Variants in PCDH15 observed in about 807,000 individuals in gnomAD.
The protein encoded by PCDH15 is protocadherin-15.
A neutral mutation model predicts 178.5 loss-of-function variants in PCDH15; 129 were observed. That is an observed-to-expected ratio of 0.72 (90% confidence interval 0.63 to 0.84). The LOEUF (loss-of-function observed/expected upper bound fraction) is 0.84, where lower values mean the gene tolerates loss of function less well. PCDH15 is among the 40% of genes least tolerant of loss of function. The pLI, the probability that PCDH15 is intolerant of heterozygous loss-of-function variation, is 0.00. For missense variants in PCDH15, 2,230 were observed against 2,099.9 expected (o/e 1.06, Z -1.21); for synonymous variants, 800 against 732.0 (o/e 1.09, Z -1.50).
intron 3 of PCDH15, among the ~76,000 whole-genome samples, chr10:54,401,300 A>G (rs1369926941): frequency 6.6e-5 from 10 of 151,894 alleles, no homozygotes; most frequent in African/African-American, 1.2e-4. Context: ...GAAAAACTGT[A>G]TATGACTTTT....
intron 2 of PCDH15, among the ~76,000 whole-genome samples, chr10:54,912,128 C>T (rs1396187894): frequency 6.6e-6 from 1 of 152,014 alleles, no homozygotes; most frequent in Admixed American, 6.6e-5. Flanking sequence ...TGTCATAATA[C>T]AGTGAGTACC....
chr10:54,095,289 T>C (rs959240829), intron 15 of PCDH15, among the ~76,000 whole-genome samples: 1 of 152,088 alleles, frequency 6.6e-6, no homozygotes, highest in Non-Finnish European at 1.5e-5. Flanking sequence ...AATGTTATAA[T>C]ATTTAAATAA....
intron 2 of PCDH15, among the ~76,000 whole-genome samples, chr10:55,529,544 G>C (rs997913540): frequency 7.3e-5 from 11 of 151,374 alleles, no homozygotes; most frequent in African/African-American, 2.7e-4. Flanking sequence ...TTAAATTACA[G>C]TTTATTTACA....
At chr10:53,855,391 A>G (rs1336862149) in intron 28 of PCDH15, among the ~76,000 whole-genome samples, 1 of 152,084 alleles carries the variant, frequency 6.6e-6, no homozygotes, top group Non-Finnish European at 1.5e-5. Flanking sequence ...TATTATTTTG[A>G]AAAGGCTCAG....
At chr10:54,226,180 G>A (rs1029981819) in intron 9 of PCDH15, among the ~76,000 whole-genome samples, 11 of 152,308 alleles carry the variant, frequency 7.2e-5, no homozygotes, top group African/African-American at 1.7e-4. Flanking sequence ...ACAGTTCCAC[G>A]TGGCTGGAGC....
chr10:54,373,135 A>T (rs1947921184), intron 4 of PCDH15, among the ~76,000 whole-genome samples: 1 of 151,964 alleles, frequency 6.6e-6, no homozygotes, highest in South Asian at 2.1e-4. Flanking sequence ...TTATAGCACA[A>T]ATCTTCAATC....
chr10:55,419,726 A>ATTTCTTTCATATACCC (rs1361928811), intron 2 of PCDH15, among the ~76,000 whole-genome samples: 1 of 151,748 alleles, frequency 6.6e-6, no homozygotes, highest in African/African-American at 2.4e-5. Context: ...GCACATACCC[A>ATTTCTTTCATATACCC]TTTCTTTCAT....
chr10:53,965,730 A>AT (rs2088942781), intron 21 of PCDH15, among the ~76,000 whole-genome samples: 2 of 152,182 alleles, frequency 1.3e-5, no homozygotes, highest in Non-Finnish European at 2.9e-5. Flanking sequence ...TCAAGAACAA[A>AT]TTTTTAGAGT....
intron 18 of PCDH15, among the ~76,000 whole-genome samples, chr10:54,040,124 A>G: frequency 6.6e-6 from 1 of 152,092 alleles, no homozygotes; most frequent in Non-Finnish European, 1.5e-5. Flanking sequence ...TTAAAAAGTC[A>G]TAATTAGTTC....
chr10:55,515,304 G>A (rs1840987125), intron 2 of PCDH15, among the ~76,000 whole-genome samples: 1 of 151,888 alleles, frequency 6.6e-6, no homozygotes, highest in African/African-American at 2.4e-5. Context: ...AGTCCCAACA[G>A]CACCTGAGAA....
chr10:54,405,170 A>T (rs539476107), intron 3 of PCDH15, among the ~76,000 whole-genome samples: 1 of 152,226 alleles, frequency 6.6e-6, no homozygotes, highest in South Asian at 2.1e-4. Flanking sequence ...CTGAGGGAAT[A>T]AAAATTGCTC....
rs1274130710 is a variant in PCDH15, at chr10:54,579,367, A to G, written c.92-51490T>C. ...TTGTGTTAGATAAGACAGAATTTAA[A>G]CCAATAATAATAAAAAAGGATAAAG... On this transcript the variant is annotated intron_variant, in intron 2 of 37. Coordinates refer to ENST00000644397, the MANE Select transcript of PCDH15 (RefSeq NM_001384140.1). Among the ~76,000 whole-genome samples the G allele has an allele frequency of 2.6e-5, 4 of 152,116 alleles. No homozygotes were observed. The South Asian group carries it at 8.3e-4, about 31-fold the overall frequency.
intron 2 of PCDH15, among the ~76,000 whole-genome samples, chr10:55,381,051 G>C (rs1837522353): frequency 6.6e-6 from 1 of 152,172 alleles, no homozygotes; most frequent in Non-Finnish European, 1.5e-5. Flanking sequence ...AATAAATGTT[G>C]AGAGGCTGAG....
At chr10:55,038,035 G>A (rs955684691) in intron 2 of PCDH15, among the ~76,000 whole-genome samples, 1 of 152,032 alleles carries the variant, frequency 6.6e-6, no homozygotes, top group Non-Finnish European at 1.5e-5. Context: ...AAATGATCTA[G>A]ATAAAATATA....
intron 3 of PCDH15, among the ~76,000 whole-genome samples, chr10:54,490,514 T>C (rs1334492259): frequency 2.0e-5 from 3 of 151,618 alleles, no homozygotes; most frequent in Non-Finnish European, 2.9e-5. Flanking sequence ...AAATAAATAA[T>C]TTTTTAATAA....
In PCDH15 at chr10:54,223,033, C is replaced by T. The variant is rs530789969; in HGVS notation, c.986-8985G>A. ...TTACATTTAAGAAATTGTTGCCAGC[C>T]GGGCACAGTGGCTCACGCCTGTTAT... On this transcript the variant is annotated intron_variant, in intron 9 of 37. Transcript: ENST00000644397. Among the ~76,000 whole-genome samples, 46 of 152,108 alleles carry T rather than the reference C, an allele frequency of 3.0e-4. No individual in the cohort carries two copies. The South Asian group carries it at 8.1e-3, about 27-fold the overall frequency.
At chr10:54,944,587 G>A (rs1363199210) in intron 2 of PCDH15, among the ~76,000 whole-genome samples, 23 of 152,032 alleles carry the variant, frequency 1.5e-4, no homozygotes, top group African/African-American at 5.5e-4. Flanking sequence ...TACAGACGCT[G>A]TTGACTAAAG....
chr10:55,406,940 CT>C (rs940362561), intron 2 of PCDH15, among the ~76,000 whole-genome samples: 1 of 151,834 alleles, frequency 6.6e-6, no homozygotes, highest in African/African-American at 2.4e-5. Context: ...GAAAGTAATT[CT>C]TTTTTTAAAA....
chr10:55,104,558 G>T (rs878976933), intron 2 of PCDH15, among the ~76,000 whole-genome samples: 1 of 152,206 alleles, frequency 6.6e-6, no homozygotes, highest in South Asian at 2.1e-4. Context: ...AAAAAAGAAG[G>T]TTATTTCACA....
Sources: gnomAD v4.1 joint callset for allele counts (sites outside exome capture counted in the v4.1 genomes callset) on GRCh38, gnomAD v4.1.1 for gene constraint, MANE v1.5 for transcripts, NCBI Gene and HGNC (gene_info 2026-07-23, HGNC 2026-07-21) for gene names.